The following CS variants were observed in gnomAD, a reference collection of about 807,000 sequenced individuals.
CS encodes citrate synthase.
CS carries 13 observed loss-of-function variants against 61.4 expected under a neutral mutation model. The observed-to-expected ratio is 0.21, with a 90% CI of 0.14 to 0.34. The LOEUF is 0.34. Ranked by LOEUF, CS falls within the 10% of genes least tolerant of loss-of-function variation. The probability of loss-of-function intolerance (pLI) is 1.00; values close to 1 mark genes in which losing one functional copy is unlikely to be tolerated. For missense variants in CS, 278 were observed against 573.4 expected (o/e 0.48, Z 5.26); for synonymous variants, 159 against 215.2 (o/e 0.74, Z 2.29).
chr12:56,273,045 C>T lies in CS; in HGVS notation c.*39G>A. The T allele has an allele frequency of 6.5e-7, 1 of 1,541,082 alleles. No homozygotes were observed. The highest frequency in any genetic ancestry group is 2.1e-5 in the Admixed American group (1 of 47,190). ...AAAAGTATACTTTTTATTTAGGCTT[C>T]CTCACTTTCTGGTAGTCACTTTCAC... On this transcript the variant is annotated 3_prime_UTR_variant, in exon 11 of 11. Coordinates refer to ENST00000351328, the MANE Select transcript of CS (RefSeq NM_004077.3).
chr12:56,289,422 G>C (rs938931925), intron 1 of CS, among the ~76,000 whole-genome samples: 1 of 148,308 alleles, frequency 6.7e-6, no homozygotes, highest in African/African-American at 2.4e-5. Flanking sequence ...TTGCTGTGGT[G>C]ATTTTTTTTT....
chr12:56,276,284 G>T, intron 6 of CS, 89 bp from the exon 7 acceptor site: 1 of 1,226,294 alleles, frequency 8.2e-7, no homozygotes, highest in East Asian at 2.4e-5. Flanking sequence ...TCCATGAATT[G>T]GGGCTATTTG....
intron 1 of CS, among the ~76,000 whole-genome samples, chr12:56,287,807 A>T (rs1872989628): frequency 6.6e-6 from 1 of 152,108 alleles, no homozygotes; most frequent in Non-Finnish European, 1.5e-5. Context: ...GGCATGCACC[A>T]CCATGCTTGG....
intron 1 of CS, among the ~76,000 whole-genome samples, chr12:56,294,593 CAG>C (rs1873236844): frequency 6.6e-6 from 1 of 150,900 alleles, no homozygotes; most frequent in Admixed American, 6.6e-5. Context: ...TTTTTTGAGA[CAG>C]AGTCTCTGTC....
chr12:56,272,155 ACT>A lies in CS; in HGVS notation c.*927_*928del. 1 of 275,516 alleles carries A rather than the reference ACT, an allele frequency of 3.6e-6. No homozygotes were observed. The highest frequency in any genetic ancestry group is 3.2e-5 in the South Asian group (1 of 31,292). The allele number at this position is 275,516 out of a possible 1,614,324, so 17.1% of individuals were successfully genotyped here. A position where few individuals can be genotyped will look rare whatever the true frequency, so the allele number is the denominator to read the frequency against. On this transcript the variant is annotated 3_prime_UTR_variant, in exon 11 of 11. Coordinates refer to ENST00000351328, the MANE Select transcript of CS (RefSeq NM_004077.3). The stretch of plus-strand genomic sequence containing the variant: ...GAGGTGCTAATACCCCGGGGACAAG[ACT>A]CTGAAAATATCATGCTGGTCATTCC...
At chr12:56,290,865 C>T (rs899471678) in intron 1 of CS, among the ~76,000 whole-genome samples, 3 of 151,524 alleles carry the variant, frequency 2.0e-5, no homozygotes, top group African/African-American at 7.2e-5. Flanking sequence ...CCAATAAGGA[C>T]GTATATGCAA....
At chr12:56,297,911 A>G (rs1339010447) in intron 1 of CS, among the ~76,000 whole-genome samples, 1 of 152,096 alleles carries the variant, frequency 6.6e-6, no homozygotes, top group Non-Finnish European at 1.5e-5. Flanking sequence ...ACAAGCCAAC[A>G]AGCTTCTTGG....
rs1392562310 is a variant in CS, at chr12:56,272,807, G to T, written c.*277C>A. 7 of 268,376 alleles carry T rather than the reference G, an allele frequency of 2.6e-5. No homozygotes were observed. Among genetic ancestry groups the T allele is most frequent in the Admixed American group, 2.0e-4 (4 of 19,980 alleles). 16.6% of individuals were successfully genotyped at this position (268,376 alleles called of 1,614,324 possible). On this transcript the variant is annotated 3_prime_UTR_variant, in exon 11 of 11. Transcript: ENST00000351328. ...TTCTCACTCTAGAGATAGTGAGGGG[G>T]CCAAACCTACTCATACCACATGCAT...
intron 7 of CS, 36 bp from the exon 8 acceptor site, chr12:56,275,167 A>C (rs1872596585): frequency 6.2e-7 from 1 of 1,613,448 alleles, no homozygotes. Context: ...CAAGGGAAGA[A>C]AGAAGGGGCA....
At chr12:56,276,696 C>A (rs1447185673) in intron 6 of CS, among the ~76,000 whole-genome samples, 1 of 152,154 alleles carries the variant, frequency 6.6e-6, no homozygotes, top group Non-Finnish European at 1.5e-5. Flanking sequence ...CATGTGCCAC[C>A]ATACCCGGCT....
intron 1 of CS, chr12:56,291,309 G>A (rs1469562725): frequency 2.4e-5 from 24 of 988,752 alleles, no homozygotes; most frequent in Non-Finnish European, 2.9e-5. Flanking sequence ...CCTTCCAGCT[G>A]TGGAATACAA....
chr12:56,275,345 C>T (rs1283649157), intron 7 of CS: 9 of 514,826 alleles, frequency 1.7e-5, no homozygotes, highest in Non-Finnish European at 2.4e-5. Flanking sequence ...GAGGCCAAGG[C>T]GGGTGGATCA....
chr12:56,277,944 T>A (rs1171091594), intron 6 of CS, among the ~76,000 whole-genome samples: 1 of 152,034 alleles, frequency 6.6e-6, no homozygotes, highest in Admixed American at 6.6e-5. Flanking sequence ...TTCCATTCTT[T>A]AAGCACTTAC....
rs1049025373 is a variant in CS, at chr12:56,271,733, A to G, written c.*1351T>C. 6.0e-6 allele frequency: 2 copies of G among 333,492 alleles called. No homozygotes were observed. The highest frequency in any genetic ancestry group is 4.2e-5 in the Admixed American group (1 of 23,900). The allele number at this position is 333,492 out of a possible 1,614,324, so 20.7% of individuals were successfully genotyped here. On this transcript the variant is annotated 3_prime_UTR_variant, in exon 11 of 11. Transcript: ENST00000351328. ...TAAAAACATTTATTTTGCATTTTAT[A>G]CAGAACAACCTGAAGTCTCCATCAT...
chr12:56,290,892 T>C (rs1873100789), intron 1 of CS, among the ~76,000 whole-genome samples: 1 of 152,240 alleles, frequency 6.6e-6, no homozygotes, highest in Non-Finnish European at 1.5e-5. Flanking sequence ...TCAAGTCTTG[T>C]TACTTAAAAT....
At position 56,274,621 on chromosome 12, in the gene CS, GC is replaced by G. The variant is rs2135909364; in HGVS notation, c.1020+155del. Reference sequence around the variant, plus strand: ...TGGGACTACAGGTGCATGCCATTGTGCCCACCTAGAAATTCTTTTCTAAATT... The same window carrying G: ...TGGGACTACAGGTGCATGCCATTGTGCCACCTAGAAATTCTTTTCTAAATT... On this transcript the variant is annotated intron_variant, in intron 9 of 10. Transcript: ENST00000351328. 6 of 605,228 alleles carry G rather than the reference GC, an allele frequency of 9.9e-6. No homozygotes were observed. The East Asian group carries it at 1.8e-4, about 18-fold the overall frequency. The allele number at this position is 605,228 out of a possible 1,614,324, so 37.5% of individuals were successfully genotyped here.
chr12:56,294,652 C>T (rs1226823722), intron 1 of CS, among the ~76,000 whole-genome samples: 3 of 147,194 alleles, frequency 2.0e-5, no homozygotes, highest in Non-Finnish European at 4.5e-5. Flanking sequence ...CTGAAACCTC[C>T]ACCCCCTGGG....
intron 4 of CS, 111 bp downstream of exon 4, chr12:56,283,681 A>C: frequency 1.4e-6 from 1 of 734,214 alleles, no homozygotes; most frequent in Non-Finnish European, 2.4e-6. Flanking sequence ...CTACCTTCCA[A>C]TATATGAAGC....
At chr12:56,295,300 A>T (rs1873262156) in intron 1 of CS, among the ~76,000 whole-genome samples, 1 of 151,464 alleles carries the variant, frequency 6.6e-6, no homozygotes, top group Non-Finnish European at 1.5e-5. Flanking sequence ...AGGCGGGTGG[A>T]TCACGAGGTC....
Sources: allele counts gnomAD v4.1 joint callset (sites outside exome capture counted in the v4.1 genomes callset), GRCh38; gene constraint gnomAD v4.1.1; transcripts MANE v1.5; gene names NCBI Gene and HGNC (gene_info 2026-07-23, HGNC 2026-07-21).